The following HS3ST3B1 variants were observed in gnomAD, a reference collection of about 807,000 sequenced individuals.
The protein encoded by HS3ST3B1 is heparan sulfate-glucosamine 3-sulfotransferase 3B1.
In HS3ST3B1, 13 loss-of-function variants were observed where a neutral mutation model predicts 21.3. The observed-to-expected ratio is 0.61, with a 90% CI of 0.40 to 0.97. The LOEUF is 0.97. HS3ST3B1 is among the 50% of genes least tolerant of loss of function. The probability of loss-of-function intolerance (pLI) is 0.00; values close to 1 mark genes in which losing one functional copy is unlikely to be tolerated. For synonymous variants in HS3ST3B1, 234 were observed against 254.8 expected (o/e 0.92, Z 0.78); for missense variants, 459 against 554.8 (o/e 0.83, Z 1.73).
intron 1 of HS3ST3B1, among the ~76,000 whole-genome samples, chr17:14,320,515 G>A (rs571307130): frequency 3.7e-4 from 57 of 152,262 alleles, no homozygotes; most frequent in Middle Eastern, 3.4e-3. Context: ...TGACATTGAA[G>A]GGTAACTAGT....
intron 1 of HS3ST3B1, among the ~76,000 whole-genome samples, chr17:14,319,936 C>A (rs1210995126): frequency 1.3e-5 from 2 of 151,944 alleles, no homozygotes; most frequent in African/African-American, 4.8e-5. Flanking sequence ...ACCCTCCCCC[C>A]GAGTCCCCAA....
At chr17:14,305,085 G>A (rs1909089370) in intron 1 of HS3ST3B1, 1 of 152,234 alleles carries the variant, frequency 6.6e-6, no homozygotes, top group Non-Finnish European at 1.5e-5. Context: ...ACCCACCGAG[G>A]TGGTGTACAG....
At chr17:14,304,413 G>T (rs1278009715) in intron 1 of HS3ST3B1, 1 of 152,204 alleles carries the variant, frequency 6.6e-6, no homozygotes, top group African/African-American at 2.4e-5. Context: ...TTCCAAGGGG[G>T]AAAAAAATCT....
At chr17:14,311,089 G>C (rs1210873768) in intron 1 of HS3ST3B1, among the ~76,000 whole-genome samples, 3 of 140,658 alleles carry the variant, frequency 2.1e-5, no homozygotes, top group Admixed American at 7.0e-5. Flanking sequence ...ATCTAACAAG[G>C]ATTTTTTTTT....
rs143794662 is a variant in HS3ST3B1, at chr17:14,301,215, CCT to C, written c.-302_-301del. 0.013 allele frequency: 5,757 copies of C among 435,628 alleles called. 278 individuals carry two copies. Among genetic ancestry groups the C allele is most frequent in the African/African-American group, 0.11 (5,322 of 47,834 alleles). 27.0% of individuals were successfully genotyped at this position (435,628 alleles called of 1,614,324 possible). Reference sequence around the variant, plus strand: ...TGGCCAGGGCGCGAGAGTGCAACGTCCTCCTGGCCCCGAGCGCGTCGTCGCGC... The same window carrying C: ...TGGCCAGGGCGCGAGAGTGCAACGTCCCTGGCCCCGAGCGCGTCGTCGCGC... On this transcript the variant is annotated 5_prime_UTR_variant, in exon 1 of 2. Coordinates refer to ENST00000360954, the MANE Select transcript of HS3ST3B1 (RefSeq NM_006041.3).
rs35154149 is a variant in HS3ST3B1 at position 14,312,901 on chromosome 17, CTT to C, written c.554+10846_554+10847del. 3.2e-3 allele frequency among the ~76,000 whole-genome samples: 410 copies of C among 129,378 alleles called. 3 individuals are homozygous for C. Among genetic ancestry groups the C allele is most frequent in the South Asian group, 0.022 (84 of 3,904 alleles). The allele number at this position is 129,378 out of a possible 152,430, so 84.9% of individuals were successfully genotyped here. On this transcript the variant is annotated intron_variant, in intron 1 of 1. Transcript: ENST00000360954. ...CCCCAGCAGTTGTGAGTGAAAATGT[CTT>C]TTTTTTTTTTTTTTTTCCAGAGACA... is the stretch of plus-strand genomic sequence containing the variant.
intron 1 of HS3ST3B1, among the ~76,000 whole-genome samples, chr17:14,313,420 C>A (rs1314249367): frequency 6.6e-6 from 1 of 152,060 alleles, no homozygotes; most frequent in East Asian, 1.9e-4. Flanking sequence ...CTCTGCAGGA[C>A]CTCCTCTTGC....
intron 1 of HS3ST3B1, chr17:14,328,596 G>A (rs1909888103): frequency 6.6e-6 from 1 of 152,244 alleles, no homozygotes; most frequent in African/African-American, 2.4e-5. Flanking sequence ...CAGTTAGGAA[G>A]AAGTAAGTAC....
intron 1 of HS3ST3B1, among the ~76,000 whole-genome samples, chr17:14,337,003 T>G (rs9899451): frequency 0.073 from 11,113 of 152,184 alleles, 572 homozygotes; most frequent in African/African-American, 0.14. Flanking sequence ...AGAGGCTGAG[T>G]GCATTCATAT....
At position 14,315,043 on chromosome 17, in the gene HS3ST3B1, C is replaced by T. The variant is rs567511381; in HGVS notation, c.554+12971C>T. On this transcript the variant is annotated intron_variant, in intron 1 of 1. Transcript: ENST00000360954. ...ACCTTGATGAAATCATTTTCAGTGA[C>T]ATGCTTCTCCTATTTTTTACTTTTT... Among the ~76,000 whole-genome samples, 12 of 152,314 alleles carry T rather than the reference C, an allele frequency of 7.9e-5. No homozygotes were observed. In the East Asian group the frequency reaches 2.1e-3, roughly 27 times the overall value.
chr17:14,337,468 CA>C (rs1910221233), intron 1 of HS3ST3B1, among the ~76,000 whole-genome samples: 1 of 151,328 alleles, frequency 6.6e-6, no homozygotes, highest in Non-Finnish European at 1.5e-5. Context: ...GCTGGAATTA[CA>C]GGAGCCCGCC....
intron 1 of HS3ST3B1, among the ~76,000 whole-genome samples, chr17:14,314,365 A>G (rs75109443): frequency 0.016 from 2,380 of 152,322 alleles, 23 homozygotes; most frequent in Non-Finnish European, 0.025. Context: ...TCACAAGGCA[A>G]ACATACAAGT....
intron 1 of HS3ST3B1, among the ~76,000 whole-genome samples, chr17:14,338,380 TC>T (rs1334185782): frequency 6.6e-6 from 1 of 151,724 alleles, no homozygotes; most frequent in African/African-American, 2.4e-5. Flanking sequence ...CACCTTGGCC[TC>T]CCAAAGTGCT....
rs865950256 is a variant in HS3ST3B1 at position 14,324,112 on chromosome 17, C to T, written c.555-20916C>T. Among the ~76,000 whole-genome samples the T allele has an allele frequency of 7.9e-5, 12 of 151,732 alleles. No individual in the cohort carries two copies. In the South Asian group the frequency reaches 8.4e-4, roughly 11 times the overall value. On this transcript the variant is annotated intron_variant, in intron 1 of 1. Coordinates refer to ENST00000360954, the MANE Select transcript of HS3ST3B1 (RefSeq NM_006041.3). Reference sequence around the variant, plus strand: ...TTTCTGGACCCAGGAGCCCTTTTCTCGCTTATAATCTGGGGTTATTCTTAC... The same window carrying T: ...TTTCTGGACCCAGGAGCCCTTTTCTTGCTTATAATCTGGGGTTATTCTTAC...
At chr17:14,310,285 G>C (rs909380628) in intron 1 of HS3ST3B1, among the ~76,000 whole-genome samples, 2 of 152,010 alleles carry the variant, frequency 1.3e-5, no homozygotes, top group Non-Finnish European at 2.9e-5. Context: ...CGCCAGGCTC[G>C]TCCTCCTAAC....
Position 14,335,300 on chromosome 17 carries a change from G to C in HS3ST3B1, c.555-9728G>C, listed in dbSNP as rs73257312. 2.3e-3 allele frequency among the ~76,000 whole-genome samples: 343 copies of C among 152,270 alleles called. 2 individuals carry two copies. Among genetic ancestry groups the C allele is most frequent in the African/African-American group, 7.4e-3 (307 of 41,558 alleles). Reference sequence around the variant, plus strand: ...TAATTTTACAGATGAGGAAGCTGAAGCCCAGAAAAGTAACCACTGGGACAT... The same window carrying C: ...TAATTTTACAGATGAGGAAGCTGAACCCCAGAAAAGTAACCACTGGGACAT... On this transcript the variant is annotated intron_variant, in intron 1 of 1. Coordinates refer to ENST00000360954, the MANE Select transcript of HS3ST3B1 (RefSeq NM_006041.3).
At chr17:14,317,699 T>G (rs1909541486) in intron 1 of HS3ST3B1, among the ~76,000 whole-genome samples, 1 of 151,772 alleles carries the variant, frequency 6.6e-6, no homozygotes, top group Admixed American at 6.6e-5. Context: ...TGCCTGGGAT[T>G]GGGGGAGAGA....
intron 1 of HS3ST3B1, among the ~76,000 whole-genome samples, chr17:14,344,203 T>A (rs930243430): frequency 6.6e-6 from 1 of 151,660 alleles, no homozygotes; most frequent in Admixed American, 6.6e-5. Context: ...CCCAGCCTGG[T>A]TTTTTTATTA....
intron 1 of HS3ST3B1, among the ~76,000 whole-genome samples, chr17:14,327,061 C>T (rs1290962141): frequency 6.6e-6 from 1 of 151,708 alleles, no homozygotes; most frequent in African/African-American, 2.4e-5. Flanking sequence ...TGGAATTTCT[C>T]TCAACATAAA....
Sources: allele counts gnomAD v4.1 joint callset (sites outside exome capture counted in the v4.1 genomes callset), GRCh38; gene constraint gnomAD v4.1.1; transcripts MANE v1.5; gene names NCBI Gene and HGNC (gene_info 2026-07-23, HGNC 2026-07-21).